ELMO1: variants seen among roughly 807,000 people sequenced by gnomAD.
ELMO1 encodes engulfment and cell motility protein 1.
ELMO1 carries 26 observed loss-of-function variants against 98.9 expected under a neutral mutation model. The observed-to-expected ratio is 0.26, with a 90% CI of 0.19 to 0.36. The LOEUF (loss-of-function observed/expected upper bound fraction) is 0.36. Ranked by LOEUF, ELMO1 falls within the 10% of genes least tolerant of loss-of-function variation. The pLI, the probability that ELMO1 is intolerant of heterozygous loss-of-function variation, is 1.00. For missense variants in ELMO1, 627 were observed against 935.2 expected, an observed-to-expected ratio of 0.67 and a Z score of 4.30; for synonymous variants, 346 against 346.0, an observed-to-expected ratio of 1.00 and a Z score of 0.00.
chr7:37,013,302 G>T lies in ELMO1; in HGVS notation c.1434C>A (p.Asn478Lys), dbSNP rs1476483318. The change falls in exon 16 of 22, where the codon AAC becomes AAA. Residue 478 changes from asparagine to lysine, a missense_variant. Coordinates refer to ENST00000310758, the MANE Select transcript of ELMO1 (RefSeq NM_014800.11). The part of the protein sequence containing the change: ...KEMRATSEDF[N>K]KVMQVVKEQV... ...CTCTATCCGAGATCCACATTACCTT[G>T]TTGAAGTCTTCAGAAGTTGCCCTCA... is the stretch of plus-strand genomic sequence containing the variant. The T allele has an allele frequency of 6.2e-7, 1 of 1,614,050 alleles. No individual in the cohort carries two copies. The highest frequency in any genetic ancestry group is 1.7e-5 in the Admixed American group (1 of 60,016).
Position 37,271,804 on chromosome 7 carries a change from T to TG in ELMO1, c.243+27dup, listed in dbSNP as rs150000988. 2.1e-3 allele frequency: 3,412 copies of TG among 1,610,452 alleles called. 73 individuals carry two copies. In the African/African-American group the frequency reaches 0.039, roughly 18 times the overall value. ...CAGAAACGCAGAGCAAAGAGTTTGCTGGAAGTCAGAAGCTAAGATCAACTT... is the reference window on the plus strand; with the variant it reads ...CAGAAACGCAGAGCAAAGAGTTTGCTGGGAAGTCAGAAGCTAAGATCAACTT... On this transcript the variant is annotated intron_variant, in intron 5 of 21. Transcript: ENST00000310758.
chr7:37,405,988 G>A (rs1475996900), intron 1 of ELMO1, among the ~76,000 whole-genome samples: 1 of 152,144 alleles, frequency 6.6e-6, no homozygotes, highest in Non-Finnish European at 1.5e-5. Context: ...CCAGTCCACC[G>A]CAGCTACAGG....
rs188602471 is a variant in ELMO1 at position 37,271,818 on chromosome 7, T to A, written c.243+14A>T. The A allele has an allele frequency of 3.1e-6, 5 of 1,613,198 alleles. No homozygotes were observed. Among genetic ancestry groups the A allele is most frequent in the Non-Finnish European group, 4.2e-6 (5 of 1,179,668 alleles). ...AAAGAGTTTGCTGGAAGTCAGAAGC[T>A]AAGATCAACTTACTGGAGATGTGGT... On this transcript the variant is annotated intron_variant, in intron 5 of 21. Transcript: ENST00000310758.
At chr7:37,172,429 G>A (rs1290160008) in intron 13 of ELMO1, among the ~76,000 whole-genome samples, 1 of 152,016 alleles carries the variant, frequency 6.6e-6, no homozygotes, top group Non-Finnish European at 1.5e-5. Context: ...CTGAACATAA[G>A]AAAGTCTAAG....
intron 16 of ELMO1, among the ~76,000 whole-genome samples, chr7:36,918,735 T>C (rs1784905433): frequency 6.6e-6 from 1 of 152,224 alleles, no homozygotes; most frequent in East Asian, 1.9e-4. Context: ...AAATAAAGCG[T>C]CACCAAACTG....
intron 16 of ELMO1, among the ~76,000 whole-genome samples, chr7:37,012,530 A>G (rs1793633265): frequency 2.0e-5 from 3 of 152,214 alleles, no homozygotes; most frequent in Admixed American, 1.3e-4. Context: ...TAAAGGCTGC[A>G]ATAGTTATTA....
chr7:37,324,364 A>C (rs1583551344), intron 2 of ELMO1, among the ~76,000 whole-genome samples: 1 of 150,944 alleles, frequency 6.6e-6, no homozygotes, highest in Non-Finnish European at 1.5e-5. Context: ...TCTGACATCC[A>C]CTTCTCCGGC....
At chr7:37,089,876 G>T (rs780045524) in intron 15 of ELMO1, among the ~76,000 whole-genome samples, 32 of 152,154 alleles carry the variant, frequency 2.1e-4, no homozygotes, top group Admixed American at 4.6e-4. Flanking sequence ...ACTCAGGAGA[G>T]GTATGTTATA....
At chr7:36,989,029 T>C (rs1256280057) in intron 16 of ELMO1, among the ~76,000 whole-genome samples, 1 of 152,228 alleles carries the variant, frequency 6.6e-6, no homozygotes, top group African/African-American at 2.4e-5. Context: ...GTTGGGTTGA[T>C]CTAGCTAACA....
chr7:37,026,498 T>C (rs374440244), intron 15 of ELMO1, among the ~76,000 whole-genome samples: 1 of 152,296 alleles, frequency 6.6e-6, no homozygotes, highest in South Asian at 2.1e-4. Flanking sequence ...TACCTTGTAG[T>C]GATCACCTGT....
At chr7:37,248,968 C>T (rs1417192797) in intron 6 of ELMO1, among the ~76,000 whole-genome samples, 1 of 152,236 alleles carries the variant, frequency 6.6e-6, no homozygotes, top group Non-Finnish European at 1.5e-5. Flanking sequence ...CTGTCATATA[C>T]ATCTTTGTGT....
intron 14 of ELMO1, among the ~76,000 whole-genome samples, chr7:37,129,053 G>C (rs1233622129): frequency 6.6e-6 from 1 of 152,036 alleles, no homozygotes; most frequent in African/African-American, 2.4e-5. Flanking sequence ...ATGTGGGACA[G>C]GCACTCAAGC....
chr7:37,288,571 T>A (rs919767483), intron 4 of ELMO1, among the ~76,000 whole-genome samples: 1 of 152,162 alleles, frequency 6.6e-6, no homozygotes, highest in African/African-American at 2.4e-5. Flanking sequence ...CTTAAAGCAA[T>A]CTTGGCCAAG....
intron 16 of ELMO1, among the ~76,000 whole-genome samples, chr7:36,964,730 C>CCA (rs1789263211): frequency 6.6e-6 from 1 of 152,166 alleles, no homozygotes; most frequent in Non-Finnish European, 1.5e-5. Context: ...CCTTCCTCCT[C>CCA]CACATGGTCT....
chr7:37,372,140 A>C (rs1479556925), intron 1 of ELMO1, among the ~76,000 whole-genome samples: 1 of 152,184 alleles, frequency 6.6e-6, no homozygotes, highest in East Asian at 1.9e-4. Context: ...TTAAAAAAAA[A>C]AAGATAGCAC....
chr7:36,900,877 A>C (rs996544067), intron 16 of ELMO1, among the ~76,000 whole-genome samples: 8 of 152,206 alleles, frequency 5.3e-5, no homozygotes, highest in African/African-American at 1.7e-4. Context: ...TACGCACAAC[A>C]AAAGGACTGA....
intron 18 of ELMO1, among the ~76,000 whole-genome samples, chr7:36,881,426 A>G (rs1223481333): frequency 6.6e-6 from 1 of 152,216 alleles, no homozygotes; most frequent in Non-Finnish European, 1.5e-5. Context: ...GCATGATGTT[A>G]CTTGTTCCTT....
chr7:36,935,593 T>C (rs1350196910), intron 16 of ELMO1, among the ~76,000 whole-genome samples: 2 of 152,096 alleles, frequency 1.3e-5, no homozygotes, highest in Non-Finnish European at 2.9e-5. Context: ...GGTGGGGCAT[T>C]CTCCCAGCAC....
chr7:37,244,250 A>C (rs944085041), intron 7 of ELMO1, 106 bp downstream of exon 7: 1 of 1,148,902 alleles, frequency 8.7e-7, no homozygotes, highest in African/African-American at 1.6e-5. Flanking sequence ...TCACTTATTC[A>C]AAATACTAGA....
Sources: allele counts gnomAD v4.1 joint callset (sites outside exome capture counted in the v4.1 genomes callset), GRCh38; gene constraint gnomAD v4.1.1; transcripts MANE v1.5; gene names NCBI Gene and HGNC (gene_info 2026-07-23, HGNC 2026-07-21).